KCNH8: variants seen among roughly 807,000 people sequenced by gnomAD.
KCNH8 encodes the protein voltage-gated delayed rectifier potassium channel KCNH8.
In KCNH8, 70 loss-of-function variants were observed where a neutral mutation model predicts 103.6. That is an observed-to-expected ratio of 0.68 (90% CI 0.56 to 0.82). The LOEUF (loss-of-function observed/expected upper bound fraction) is 0.82. Among genes scored for constraint, KCNH8 ranks in the 40% least tolerant of loss-of-function variants. The pLI is 0.00. For missense variants in KCNH8, 1,217 were observed against 1,329.9 expected, an observed-to-expected ratio of 0.92 and a Z score of 1.32; for synonymous variants, 498 against 489.4, an observed-to-expected ratio of 1.02 and a Z score of -0.23.
intron 3 of KCNH8, among the ~76,000 whole-genome samples, chr3:19,331,332 G>A (rs1018266850): frequency 9.3e-5 from 14 of 150,192 alleles, no homozygotes; most frequent in South Asian, 2.1e-4. Flanking sequence ...TTGCTCTGTC[G>A]CCAGGCTGGA....
intron 1 of KCNH8, among the ~76,000 whole-genome samples, chr3:19,222,062 G>T (rs2063881459): frequency 6.6e-6 from 1 of 152,094 alleles, no homozygotes; most frequent in Non-Finnish European, 1.5e-5. Flanking sequence ...TGTTAGCCAG[G>T]ATGGTCTTGA....
chr3:19,457,849 T>C (rs913940974), intron 11 of KCNH8, among the ~76,000 whole-genome samples: 1 of 152,006 alleles, frequency 6.6e-6, no homozygotes, highest in African/African-American at 2.4e-5. Context: ...AAAACTTAAA[T>C]TGTGTATTAT....
chr3:19,511,861 A>G (rs941869807), intron 12 of KCNH8, among the ~76,000 whole-genome samples: 7 of 152,156 alleles, frequency 4.6e-5, no homozygotes, highest in African/African-American at 1.7e-4. Context: ...GCTATTGCCT[A>G]TAAGTCACTG....
chr3:19,500,384 G>T (rs1207545952), intron 11 of KCNH8, among the ~76,000 whole-genome samples: 1 of 152,134 alleles, frequency 6.6e-6, no homozygotes, highest in Non-Finnish European at 1.5e-5. Context: ...CAATGAGACA[G>T]AAAATCAACA....
intron 8 of KCNH8, chr3:19,449,042 G>A (rs1192232419): frequency 9.6e-7 from 1 of 1,043,646 alleles, no homozygotes; most frequent in African/African-American, 1.6e-5. Context: ...TACCTTCTCT[G>A]ACTTGATGAT....
chr3:19,362,137 C>A (rs1574968563), intron 5 of KCNH8, among the ~76,000 whole-genome samples: 1 of 152,058 alleles, frequency 6.6e-6, no homozygotes, highest in East Asian at 1.9e-4. Flanking sequence ...TTCTTAGATT[C>A]TGTGGCTGAG....
chr3:19,339,550 G>A (rs143582175), intron 3 of KCNH8, among the ~76,000 whole-genome samples: 24 of 152,078 alleles, frequency 1.6e-4, no homozygotes, highest in East Asian at 3.9e-4. Context: ...TTAACTTTTC[G>A]CAGTAACAAT....
At chr3:19,151,976 C>T (rs1007359435) in intron 1 of KCNH8, among the ~76,000 whole-genome samples, 2 of 151,988 alleles carry the variant, frequency 1.3e-5, no homozygotes, top group Non-Finnish European at 1.5e-5. Flanking sequence ...ATCTTAAATA[C>T]GTATACCCCA....
chr3:19,252,394 T>C (rs1249233762), intron 1 of KCNH8, among the ~76,000 whole-genome samples: 1 of 152,102 alleles, frequency 6.6e-6, no homozygotes, highest in East Asian at 1.9e-4. Context: ...GCACTCTTTT[T>C]TTTTTTCTTT....
At chr3:19,159,405 C>A (rs568619192) in intron 1 of KCNH8, among the ~76,000 whole-genome samples, 51 of 151,754 alleles carry the variant, frequency 3.4e-4, no homozygotes, top group Non-Finnish European at 5.9e-4. Context: ...AATTTACATT[C>A]TTTTCTTGGA....
At position 19,456,748 on chromosome 3, in the gene KCNH8, ATCTC is replaced by A. The variant is rs748440788; in HGVS notation, c.1826-10_1826-7del. 8 of 1,467,082 alleles carry A rather than the reference ATCTC, an allele frequency of 5.5e-6. No homozygotes were observed. The highest frequency in any genetic ancestry group is 3.6e-5 in the Admixed American group (2 of 54,796). 90.9% of individuals were successfully genotyped at this position (1,467,082 alleles called of 1,614,324 possible). On this transcript the variant is annotated splice_polypyrimidine_tract_variant and intron_variant, in intron 10 of 15. Transcript: ENST00000328405. ...AGCTTGCTTTTTTTTTTTGAAAATG[ATCTC>A]TCTCTCTCTTTCTAGGGAAAGGGGA...
intron 10 of KCNH8, among the ~76,000 whole-genome samples, chr3:19,453,366 CATT>C (rs776902407): frequency 1.5e-4 from 23 of 152,026 alleles, no homozygotes; most frequent in Non-Finnish European, 1.3e-4. Context: ...TTTAAAAAAC[CATT>C]ATTCTATATA....
chr3:19,214,174 A>G (rs1383844801), intron 1 of KCNH8, among the ~76,000 whole-genome samples: 1 of 152,218 alleles, frequency 6.6e-6, no homozygotes, highest in African/African-American at 2.4e-5. Context: ...TGGGAGCTGA[A>G]CTGCACTTTC....
chr3:19,398,003 C>T (rs535439868), intron 7 of KCNH8, among the ~76,000 whole-genome samples: 8 of 151,872 alleles, frequency 5.3e-5, no homozygotes, highest in African/African-American at 1.7e-4. Context: ...TTTTTGGGTC[C>T]AATTATCATG....
intron 9 of KCNH8, 189 bp downstream of exon 9, chr3:19,450,494 T>C (rs2067430974): frequency 1.7e-6 from 1 of 593,868 alleles, no homozygotes; most frequent in East Asian, 2.8e-5. Flanking sequence ...CAATGCCAAT[T>C]TGGATTGACC....
chr3:19,421,122 A>AACTACT (rs2066945270), intron 7 of KCNH8, among the ~76,000 whole-genome samples: 1 of 152,318 alleles, frequency 6.6e-6, no homozygotes, highest in South Asian at 2.1e-4. Flanking sequence ...TTGGTGAAAC[A>AACTACT]ACTACTTTTT....
At chr3:19,449,353 T>C (rs1221378215) in intron 8 of KCNH8, among the ~76,000 whole-genome samples, 1 of 151,212 alleles carries the variant, frequency 6.6e-6, no homozygotes, top group Non-Finnish European at 1.5e-5. Flanking sequence ...CAACAAGGAC[T>C]CTAAGCAGAA....
chr3:19,507,749 T>C (rs1559363759), intron 11 of KCNH8, among the ~76,000 whole-genome samples: 1 of 152,082 alleles, frequency 6.6e-6, no homozygotes, highest in Non-Finnish European at 1.5e-5. Flanking sequence ...GGCAGCTGCA[T>C]TGTGCTGGGG....
At chr3:19,382,828 C>A (rs2125125789) in intron 5 of KCNH8, among the ~76,000 whole-genome samples, 1 of 152,238 alleles carries the variant, frequency 6.6e-6, no homozygotes, top group East Asian at 1.9e-4. Flanking sequence ...CAAGCAATCT[C>A]AATGTCTCAG....
Sources: allele counts gnomAD v4.1 joint callset (sites outside exome capture counted in the v4.1 genomes callset), GRCh38; gene constraint gnomAD v4.1.1; transcripts MANE v1.5; gene names NCBI Gene and HGNC (gene_info 2026-07-23, HGNC 2026-07-21).